Variants in PPDPFL observed in about 807,000 individuals in gnomAD.
PPDPFL encodes the protein pancreatic progenitor cell differentiation and proliferation factor-like protein.
PPDPFL carries 12 observed loss-of-function variants against 12.6 expected under a neutral mutation model. That is an observed-to-expected ratio of 0.95 (90% CI 0.61 to 1.54). PPDPFL has a LOEUF of 1.54. Ranked by LOEUF, PPDPFL falls within the 40% of genes most tolerant of loss-of-function variation. PPDPFL has a pLI of 0.00. For synonymous variants in PPDPFL, 24 were observed against 32.7 expected (o/e 0.73, Z 0.91); for missense variants, 114 against 96.0 (o/e 1.19, Z -0.78).
At chr8:49,074,776 A>C in intron 4 of PPDPFL, 1 of 1,434,040 alleles carries the variant, frequency 7.0e-7, no homozygotes, top group Non-Finnish European at 9.1e-7. Flanking sequence ...GTTTGTGTGC[A>C]GTTGTTTTCA....
chr8:49,076,084 TA>T lies in PPDPFL; in HGVS notation c.*917del, dbSNP rs1207066655. ...AATTAGAAAATAATAAATGTTAATA[TA>T]AAAAAGCACTGAAATTTTCTGCATA... On this transcript the variant is annotated 3_prime_UTR_variant, in exon 5 of 5. Transcript: ENST00000522267. The T allele has an allele frequency of 2.0e-5, 3 of 152,198 alleles. No homozygotes were observed. The highest frequency in any genetic ancestry group is 7.2e-5 in the African/African-American group (3 of 41,468). 9.4% of individuals were successfully genotyped at this position (152,198 alleles called of 1,614,324 possible).
At chr8:49,068,178 T>A (rs1808328991), upstream of PPDPFL, among the ~76,000 whole-genome samples, 1 of 152,214 alleles carries the variant, frequency 6.6e-6, no homozygotes, top group Non-Finnish European at 1.5e-5. Context: ...TGGGCATTGC[T>A]GAAGCTGAAA....
At chr8:49,065,022 T>C (rs2129244571) in intron 1 of PPDPFL, among the ~76,000 whole-genome samples, 1 of 152,264 alleles carries the variant, frequency 6.6e-6, no homozygotes, top group South Asian at 2.1e-4. Context: ...TTACTCAGAG[T>C]AATTATCCAA....
At chr8:49,059,321 A>G (rs1288193425) in intron 1 of PPDPFL, among the ~76,000 whole-genome samples, 1 of 152,164 alleles carries the variant, frequency 6.6e-6, no homozygotes, top group African/African-American at 2.4e-5. Context: ...AAGAGGGATA[A>G]CGCTATAGTG....
chr8:49,058,001 G>A (rs928743313), intron 1 of PPDPFL, among the ~76,000 whole-genome samples: 1 of 152,092 alleles, frequency 6.6e-6, no homozygotes, highest in African/African-American at 2.4e-5. Context: ...TAAAGGCATA[G>A]GGGAGACAAA....
intron 1 of PPDPFL, among the ~76,000 whole-genome samples, chr8:49,064,838 G>A (rs374426134): frequency 1.7e-4 from 26 of 152,158 alleles, no homozygotes; most frequent in East Asian, 5.8e-4. Context: ...AATATAGATC[G>A]GGGGAAAATG....
Position 49,074,303 on chromosome 8 carries a change from A to G in PPDPFL, c.203A>G (p.Asn68Ser). ...TTCCATTCTGAACCTGTGCTTTCAA[A>G]TGTGAGAATAAAAGATCTGTCTGCT... ...SFFHSEPVLS[N>S]VRIKDLSATG... The change falls in exon 4 of 5, where the codon AAT becomes AGT. Residue 68 changes from asparagine to serine, a missense_variant. Coordinates refer to ENST00000522267, the MANE Select transcript of PPDPFL (RefSeq NM_001256597.2). 1.9e-6 allele frequency: 3 copies of G among 1,614,004 alleles called. No homozygotes were observed. The highest frequency in any genetic ancestry group is 2.5e-6 in the Non-Finnish European group (3 of 1,179,880).
upstream of PPDPFL, among the ~76,000 whole-genome samples, chr8:49,071,845 A>G (rs1808397285): frequency 6.7e-6 from 1 of 149,040 alleles, no homozygotes; most frequent in Non-Finnish European, 1.5e-5. Context: ...CTGTCCATCA[A>G]GTTCCACTGA....
At position 49,074,779 on chromosome 8, in the gene PPDPFL, T is replaced by C. The variant is rs555326580; in HGVS notation, c.234-373T>C. On this transcript the variant is annotated intron_variant, in intron 4 of 4. Coordinates refer to ENST00000522267, the MANE Select transcript of PPDPFL (RefSeq NM_001256597.2). ...GTTGAATTGGGAGTTTGTGTGCAGT[T>C]GTTTTCAGACATTTTGAACTCAAAC... 8 of 1,433,984 alleles carry C rather than the reference T, an allele frequency of 5.6e-6. No homozygotes were observed. The African/African-American group carries it at 1.1e-4, about 21-fold the overall frequency. The allele number at this position is 1,433,984 out of a possible 1,614,324, so 88.8% of individuals were successfully genotyped here.
chr8:49,060,716 A>C (rs1416300382), intron 1 of PPDPFL, among the ~76,000 whole-genome samples: 2 of 152,182 alleles, frequency 1.3e-5, no homozygotes, highest in African/African-American at 4.8e-5. Flanking sequence ...GAAAATATGG[A>C]TATTACCTTC....
Position 49,075,303 on chromosome 8 carries a change from C to T in PPDPFL, c.*130C>T, listed in dbSNP as rs375450429. 81 of 1,581,880 alleles carry T rather than the reference C, an allele frequency of 5.1e-5. No individual in the cohort carries two copies. The highest frequency in any genetic ancestry group is 6.7e-5 in the Non-Finnish European group (77 of 1,150,834). ...AGTGGTCCATACATGAACAGCTCCCCTTCAGCGCCCCAGCTATTCCAGGAC... is the reference window on the plus strand; with the variant it reads ...AGTGGTCCATACATGAACAGCTCCCTTTCAGCGCCCCAGCTATTCCAGGAC... On this transcript the variant is annotated 3_prime_UTR_variant, in exon 5 of 5. Coordinates refer to ENST00000522267, the MANE Select transcript of PPDPFL (RefSeq NM_001256597.2).
At chr8:49,071,282 CA>C (rs1808382888), upstream of PPDPFL, among the ~76,000 whole-genome samples, 1 of 152,190 alleles carries the variant, frequency 6.6e-6, no homozygotes, top group African/African-American at 2.4e-5. Flanking sequence ...AGCCACTGAA[CA>C]AATCGAATCA....
At chr8:49,064,982 T>C (rs533492091) in intron 1 of PPDPFL, among the ~76,000 whole-genome samples, 22 of 152,322 alleles carry the variant, frequency 1.4e-4, no homozygotes, top group African/African-American at 5.1e-4. Flanking sequence ...ATCTGTTTCA[T>C]AGGCTTCCAA....
At position 49,065,244 on chromosome 8, in the gene PPDPFL, C is replaced by G. The variant is rs183532009; in HGVS notation, c.-44-7543C>G. ...ATCAGAAAGGGGAACTCACCTCCCC[C>G]CAGTGTATGAGTTAACATTGAGGCT... On this transcript the variant is annotated intron_variant, in intron 1 of 4. Coordinates refer to the PPDPFL transcript ENST00000517663. 1.7e-3 allele frequency among the ~76,000 whole-genome samples: 255 copies of G among 152,266 alleles called. 2 individuals carry two copies. The highest frequency in any genetic ancestry group is 5.8e-3 in the African/African-American group (243 of 41,564).
At chr8:49,066,688 T>A (rs1248099024) in intron 1 of PPDPFL, among the ~76,000 whole-genome samples, 1 of 152,170 alleles carries the variant, frequency 6.6e-6, no homozygotes, top group Non-Finnish European at 1.5e-5. Flanking sequence ...TTCTTCTAGA[T>A]AAGAACAACT....
At position 49,061,561 on chromosome 8, in the gene PPDPFL, G is replaced by A. The variant is rs187109453; in HGVS notation, c.-45+7192G>A. 3.9e-5 allele frequency among the ~76,000 whole-genome samples: 6 copies of A among 152,286 alleles called. No individual in the cohort carries two copies. The South Asian group carries it at 6.2e-4, about 16-fold the overall frequency. On this transcript the variant is annotated intron_variant, in intron 1 of 4. Transcript: ENST00000517663. Reference sequence around the variant, plus strand: ...CTGCTTTAGTGGTTGCACCATCTCCGGTGTTTGAGAGGGTCTGGGGAAAGA... The same window carrying A: ...CTGCTTTAGTGGTTGCACCATCTCCAGTGTTTGAGAGGGTCTGGGGAAAGA...
At chr8:49,058,016 G>A (rs1488418329) in intron 1 of PPDPFL, among the ~76,000 whole-genome samples, 1 of 152,112 alleles carries the variant, frequency 6.6e-6, no homozygotes, top group Non-Finnish European at 1.5e-5. Context: ...GACAAATGCT[G>A]TTTTCCTTAC....
chr8:49,074,991 A>T (rs1808467154), intron 4 of PPDPFL, 161 bp from the exon 5 acceptor site: 3 of 1,382,096 alleles, frequency 2.2e-6, no homozygotes, highest in African/African-American at 1.5e-5. Context: ...CATTATTTAA[A>T]ATTAGAATCA....
At chr8:49,063,950 G>C (rs1808254306) in intron 1 of PPDPFL, among the ~76,000 whole-genome samples, 1 of 152,096 alleles carries the variant, frequency 6.6e-6, no homozygotes, top group South Asian at 2.1e-4. Flanking sequence ...TGTACAAAAT[G>C]CTACCCATTA....
Sources: gnomAD v4.1 joint callset for allele counts (sites outside exome capture counted in the v4.1 genomes callset) on GRCh38, gnomAD v4.1.1 for gene constraint, MANE v1.5 for transcripts, NCBI Gene and HGNC (gene_info 2026-07-23, HGNC 2026-07-21) for gene names.